VWA3B: variants seen among roughly 807,000 people sequenced by gnomAD.
The protein encoded by VWA3B is von Willebrand factor A domain-containing protein 3B.
In VWA3B, 138 loss-of-function variants were observed where a neutral mutation model predicts 158.3. The ratio of observed to expected loss-of-function variants is 0.87; its 90% CI spans 0.76 to 1.00. The LOEUF is 1.00. Among genes scored for constraint, VWA3B ranks in the 50% least tolerant of loss-of-function variants. The probability of loss-of-function intolerance (pLI) is 0.00; values close to 1 mark genes in which losing one functional copy is unlikely to be tolerated. For synonymous variants in VWA3B, 596 were observed against 587.3 expected (o/e 1.01, Z -0.21); for missense variants, 1,555 against 1,565.1 (o/e 0.99, Z 0.11).
intron 19 of VWA3B, 96 bp from the exon 20 acceptor site, chr2:98,250,222 A>T: frequency 2.4e-6 from 2 of 825,762 alleles, no homozygotes; most frequent in Non-Finnish European, 3.8e-6. Context: ...CTTTATAGTC[A>T]GAGAAAACAT....
At chr2:98,143,555 T>C (rs1676943447) in intron 7 of VWA3B, among the ~76,000 whole-genome samples, 1 of 152,112 alleles carries the variant, frequency 6.6e-6, no homozygotes, top group Non-Finnish European at 1.5e-5. Context: ...TCTATTATGC[T>C]ATATTAGCTG....
At chr2:98,176,083 A>G (rs545546883) in intron 8 of VWA3B, among the ~76,000 whole-genome samples, 126 of 152,278 alleles carry the variant, frequency 8.3e-4, no homozygotes, top group Non-Finnish European at 1.6e-3. Context: ...TTACCTTCAG[A>G]GAACCCACAG....
At chr2:98,106,114 A>G (rs916328965) in intron 2 of VWA3B, among the ~76,000 whole-genome samples, 1 of 151,982 alleles carries the variant, frequency 6.6e-6, no homozygotes, top group East Asian at 1.9e-4. Flanking sequence ...ACTGTGTTTC[A>G]TCGTGTTAGC....
chr2:98,228,574 G>C (rs553630870), intron 15 of VWA3B, among the ~76,000 whole-genome samples: 5 of 152,122 alleles, frequency 3.3e-5, no homozygotes, highest in African/African-American at 9.7e-5. Context: ...CTGTGTGGAC[G>C]GGCCCCCAGA....
chr2:98,242,685 A>G (rs183165323), intron 19 of VWA3B, among the ~76,000 whole-genome samples: 2 of 148,444 alleles, frequency 1.3e-5, no homozygotes, highest in East Asian at 3.9e-4. Context: ...CTGAAGGACC[A>G]TGGCAAGCTC....
chr2:98,175,717 C>A (rs1289686815), intron 8 of VWA3B, among the ~76,000 whole-genome samples: 1 of 152,184 alleles, frequency 6.6e-6, no homozygotes, highest in Non-Finnish European at 1.5e-5. Flanking sequence ...ATCCAAGAAG[C>A]AAAATGGATT....
chr2:98,319,099 G>A, the VWA3B span, among the ~76,000 whole-genome samples: 65 of 152,248 alleles, frequency 4.3e-4, no homozygotes, highest in African/African-American at 1.5e-3. Context: ...TATAAAGGTG[G>A]CATCTCAAAT....
rs1239732413 is a variant in VWA3B at position 98,211,839 on chromosome 2, TTTC to T, written c.1738-85_1738-83del. On this transcript the variant is annotated intron_variant, in intron 12 of 27. Transcript: ENST00000477737. ...TTTATCTTTCATCTCATAGGTACTT[TTTC>T]TTCTTTTTTGGAAGCAGAAAATAAA... 17 of 1,119,632 alleles carry T rather than the reference TTTC, an allele frequency of 1.5e-5. No individual in the cohort carries two copies. The African/African-American group carries it at 2.5e-4, about 16-fold the overall frequency. 69.4% of individuals were successfully genotyped at this position (1,119,632 alleles called of 1,614,324 possible).
the VWA3B span, among the ~76,000 whole-genome samples, chr2:98,320,550 T>G: frequency 5.3e-5 from 8 of 152,220 alleles, no homozygotes; most frequent in Non-Finnish European, 1.5e-5. Context: ...ACTAAAATGC[T>G]GACAGTGATA....
At chr2:98,268,001 A>G (rs1298467127) in intron 21 of VWA3B, among the ~76,000 whole-genome samples, 1 of 152,116 alleles carries the variant, frequency 6.6e-6, no homozygotes, top group Non-Finnish European at 1.5e-5. Context: ...AAGAAATTGA[A>G]TCTCTGAGTA....
At chr2:98,284,522 A>T (rs1457690796) in intron 22 of VWA3B, among the ~76,000 whole-genome samples, 1 of 152,214 alleles carries the variant, frequency 6.6e-6, no homozygotes, top group Non-Finnish European at 1.5e-5. Flanking sequence ...CATAAATTAG[A>T]GACTTTCTTA....
intron 25 of VWA3B, among the ~76,000 whole-genome samples, chr2:98,301,658 G>C (rs1054892989): frequency 2.0e-5 from 3 of 152,172 alleles, no homozygotes; most frequent in Non-Finnish European, 4.4e-5. Context: ...ATCACCTCTA[G>C]ATTGATTTGC....
At chr2:98,221,000 G>C (rs1004717381) in intron 14 of VWA3B, among the ~76,000 whole-genome samples, 1 of 152,098 alleles carries the variant, frequency 6.6e-6, no homozygotes, top group African/African-American at 2.4e-5. Flanking sequence ...GAGAGCATCA[G>C]GACAAATAGC....
At chr2:98,111,383 CTT>C (rs1409221752) in intron 2 of VWA3B, among the ~76,000 whole-genome samples, 1 of 152,080 alleles carries the variant, frequency 6.6e-6, no homozygotes, top group African/African-American at 2.4e-5. Flanking sequence ...GGGCAGGTGT[CTT>C]TTTGATAAAA....
At chr2:98,186,408 G>T (rs544502322) in intron 9 of VWA3B, among the ~76,000 whole-genome samples, 1 of 151,730 alleles carries the variant, frequency 6.6e-6, no homozygotes, top group African/African-American at 2.4e-5. Flanking sequence ...CCAGCCCCGC[G>T]GCCTACCCTG....
chr2:98,312,448 C>G lies in VWA3B; in HGVS notation c.*99C>G. On this transcript the variant is annotated 3_prime_UTR_variant, in exon 28 of 28. Coordinates refer to ENST00000477737, the MANE Select transcript of VWA3B (RefSeq NM_144992.5). The stretch of plus-strand genomic sequence containing the variant: ...AACTGGCCCCTCCGCGGAGGTAAGG[C>G]CGCCCTCCGCGCCGCCTATGCCTGC... The G allele has an allele frequency of 6.9e-7, 1 of 1,441,308 alleles. No homozygotes were observed. The highest frequency in any genetic ancestry group is 9.3e-7 in the Non-Finnish European group (1 of 1,080,994). 89.3% of individuals were successfully genotyped at this position (1,441,308 alleles called of 1,614,324 possible).
intron 25 of VWA3B, among the ~76,000 whole-genome samples, chr2:98,301,739 A>C (rs1209785259): frequency 6.6e-6 from 1 of 151,984 alleles, no homozygotes; most frequent in Non-Finnish European, 1.5e-5. Context: ...TGACTAGGGG[A>C]GGTCTTCTCT....
In VWA3B at chr2:98,298,026, C is replaced by T; in HGVS notation, c.3277C>T (p.Leu1093Phe). The T allele has an allele frequency of 6.4e-7, 1 of 1,557,068 alleles. No individual in the cohort carries two copies. Among genetic ancestry groups the T allele is most frequent in the Non-Finnish European group, 8.7e-7 (1 of 1,153,304 alleles). The part of the protein sequence containing the change: ...PVGGAMPCPL[L>F]QVGDYVFAKI... ...GGGGGGCGCCATGCCCTGCCCGCTG[C>T]TCCAGGTACCCAGTCCCTGATGTGT... is the stretch of plus-strand genomic sequence containing the variant. Residue 1093 changes from leucine (L) to phenylalanine (F), a missense_variant, in exon 24 of 28, where the codon CTC becomes TTC. By Grantham distance (22) the Leu-to-Phe change is conservative (BLOSUM62 0). Coordinates refer to ENST00000477737, the MANE Select transcript of VWA3B (RefSeq NM_144992.5).
At chr2:98,301,646 G>C (rs1690201250) in intron 25 of VWA3B, among the ~76,000 whole-genome samples, 1 of 152,150 alleles carries the variant, frequency 6.6e-6, no homozygotes, top group Non-Finnish European at 1.5e-5. Context: ...TCGGTTAACT[G>C]TATCACCTCT....
Sources: allele counts gnomAD v4.1 joint callset (sites outside exome capture counted in the v4.1 genomes callset), GRCh38; gene constraint gnomAD v4.1.1; transcripts MANE v1.5; gene names NCBI Gene and HGNC (gene_info 2026-07-23, HGNC 2026-07-21).